Variants in GNG2 observed in about 807,000 individuals in gnomAD.
GNG2 encodes G protein subunit gamma 2.
In GNG2, 5 loss-of-function variants were observed where a neutral mutation model predicts 5.5. The ratio of observed to expected loss-of-function variants is 0.91; its 90% CI spans 0.48 to 1.92. GNG2 has a LOEUF of 1.92. Among genes scored for constraint, GNG2 ranks in the 30% most tolerant of loss-of-function variants. The probability of loss-of-function intolerance (pLI) is 0.01; values close to 1 mark genes in which losing one functional copy is unlikely to be tolerated. For synonymous variants in GNG2, 28 were observed against 32.0 expected, an observed-to-expected ratio of 0.88 and a Z score of 0.42; for missense variants, 55 against 88.4, an observed-to-expected ratio of 0.62 and a Z score of 1.52.
At chr14:51,866,492 A>G (rs1441822558) in intron 1 of GNG2, among the ~76,000 whole-genome samples, 1 of 151,978 alleles carries the variant, frequency 6.6e-6, no homozygotes, top group Non-Finnish European at 1.5e-5. Flanking sequence ...GAATTTCCCC[A>G]CGTCTTCCTT....
intron 2 of GNG2, chr14:51,916,436 T>C (rs1365282315): frequency 2.2e-6 from 1 of 453,442 alleles, no homozygotes; most frequent in South Asian, 1.6e-5. Context: ...ACTAAGTTAT[T>C]TCATATTTCG....
At position 51,912,158 on chromosome 14, in the gene GNG2, G is replaced by A. The variant is rs1453760792; in HGVS notation, c.-30+34501G>A. On this transcript the variant is annotated intron_variant, in intron 2 of 3. Transcript: ENST00000556766. ...ACTCAAACTTGGGCAGTGTGGCCCA[G>A]AGCCCAAGCTCTTGACCACTTTGCT... Among the ~76,000 whole-genome samples, 2 of 126,452 alleles carry A rather than the reference G, an allele frequency of 1.6e-5. 1 individual carries two copies. Among genetic ancestry groups the A allele is most frequent in the East Asian group, 6.6e-4 (2 of 3,030 alleles). The allele number at this position is 126,452 out of a possible 152,430, so 83.0% of individuals were successfully genotyped here.
intron 3 of GNG2, among the ~76,000 whole-genome samples, chr14:51,966,294 T>A (rs1889915445): frequency 6.7e-6 from 1 of 148,252 alleles, no homozygotes; most frequent in South Asian, 2.1e-4. Context: ...GACACCTGCA[T>A]GCCCCTGCCA....
chr14:51,848,804 C>T (rs1881763736), intron 2 of GNG2, among the ~76,000 whole-genome samples: 2 of 152,036 alleles, frequency 1.3e-5, no homozygotes, highest in African/African-American at 4.8e-5. Flanking sequence ...TGTGGGGCTG[C>T]CCAGAAGAAG....
At chr14:51,920,068 T>C (rs544919786) in intron 2 of GNG2, among the ~76,000 whole-genome samples, 1 of 152,196 alleles carries the variant, frequency 6.6e-6, no homozygotes, top group African/African-American at 2.4e-5. Flanking sequence ...AATGATATTG[T>C]AGAGCTGGCC....
chr14:51,932,187 CAGTGAGCCA>C (rs1162625029), intron 2 of GNG2, among the ~76,000 whole-genome samples: 2 of 128,840 alleles, frequency 1.6e-5, no homozygotes, highest in East Asian at 4.8e-4. Flanking sequence ...GTGGAGCTTG[CAGTGAGCCA>C]AGATCACACC....
intron 2 of GNG2, among the ~76,000 whole-genome samples, chr14:51,886,986 C>T (rs1329060166): frequency 1.3e-5 from 2 of 152,148 alleles, no homozygotes; most frequent in African/African-American, 2.4e-5. Flanking sequence ...TTCCAAAAAG[C>T]GTAGATAACT....
chr14:51,847,875 C>CTTTTTTTTTTTTTTTTTT (rs1555348001), intron 2 of GNG2, among the ~76,000 whole-genome samples: 1 of 66,148 alleles, frequency 1.5e-5, no homozygotes, highest in Non-Finnish European at 3.2e-5. Flanking sequence ...AATACAGGTC[C>CTTTTTTTTTTTTTTTTTT]TTTTTCTTTT....
At chr14:51,898,760 C>A (rs1566673026) in intron 2 of GNG2, among the ~76,000 whole-genome samples, 1 of 152,200 alleles carries the variant, frequency 6.6e-6, no homozygotes, top group East Asian at 1.9e-4. Flanking sequence ...AGCTTCCCGG[C>A]CAACTGCTCC....
chr14:51,912,764 T>C (rs1886368783), intron 2 of GNG2, among the ~76,000 whole-genome samples: 1 of 151,734 alleles, frequency 6.6e-6, no homozygotes, highest in Admixed American at 6.6e-5. Context: ...GTGAACAACA[T>C]TGTGTGGGCA....
chr14:51,860,217 A>AC (rs1347410017), upstream of GNG2, among the ~76,000 whole-genome samples: 1 of 138,000 alleles, frequency 7.2e-6, no homozygotes, highest in African/African-American at 2.9e-5. Flanking sequence ...GGGGATGTTG[A>AC]CCCAAAAAAA....
rs1368620517 is a variant in GNG2, at chr14:51,958,440, C to T, written c.87+7675C>T. On this transcript the variant is annotated intron_variant, in intron 3 of 3. Transcript: ENST00000556766. Reference sequence around the variant, plus strand: ...TCAGTCTGTCTCTCTCTCTTCCGTTCCCCCCCCCCATTTATATTTCTTTCT... The same window carrying T: ...TCAGTCTGTCTCTCTCTCTTCCGTTTCCCCCCCCCATTTATATTTCTTTCT... Among the ~76,000 whole-genome samples, 3 of 7,384 alleles carry T rather than the reference C, an allele frequency of 4.1e-4. No homozygotes were observed. The Non-Finnish European group carries it at 6.8e-3, about 17-fold the overall frequency. 4.8% of individuals were successfully genotyped at this position (7,384 alleles called of 152,430 possible). A position where few individuals can be genotyped will look rare whatever the true frequency, so the allele number is the denominator to read the frequency against.
At chr14:51,960,955 C>A (rs1331377873) in intron 3 of GNG2, among the ~76,000 whole-genome samples, 9 of 152,120 alleles carry the variant, frequency 5.9e-5, no homozygotes, top group African/African-American at 2.2e-4. Flanking sequence ...AAGATGAATC[C>A]TCCAGAGGCC....
intron 2 of GNG2, among the ~76,000 whole-genome samples, chr14:51,932,809 T>C (rs969370533): frequency 1.3e-5 from 2 of 151,744 alleles, no homozygotes; most frequent in Admixed American, 6.6e-5. Context: ...AATCCATAAA[T>C]GTTAATTATA....
At chr14:51,880,967 G>GAAAAAAAAAAAAAAAAAAAAAAA (rs11463019) in intron 2 of GNG2, among the ~76,000 whole-genome samples, 7 of 101,948 alleles carry the variant, frequency 6.9e-5, no homozygotes, top group Admixed American at 2.3e-4. Flanking sequence ...CAAAAAAAAA[G>GAAAAAAAAAAAAAAAAAAAAAAA]AAAAAAAAAA....
intron 2 of GNG2, among the ~76,000 whole-genome samples, chr14:51,850,603 A>G (rs1881861125): frequency 6.6e-6 from 1 of 152,244 alleles, no homozygotes; most frequent in Non-Finnish European, 1.5e-5. Context: ...TTGCATTGCT[A>G]TAAAGAAATA....
rs1337506516 is a variant in GNG2, at chr14:51,968,976, T to C, written c.*2289T>C. ...AAATGTTTTGGCTTTTTCATAATTTTATGTCTTACAGTATGGAATTATAAT... is the reference window on the plus strand; with the variant it reads ...AAATGTTTTGGCTTTTTCATAATTTCATGTCTTACAGTATGGAATTATAAT... On this transcript the variant is annotated 3_prime_UTR_variant, in exon 4 of 4. Transcript: ENST00000556766. 1 of 152,228 alleles carries C rather than the reference T, an allele frequency of 6.6e-6. No homozygotes were observed. Among genetic ancestry groups the C allele is most frequent in the Non-Finnish European group, 1.5e-5 (1 of 68,032 alleles). 9.4% of individuals were successfully genotyped at this position (152,228 alleles called of 1,614,324 possible).
intron 2 of GNG2, chr14:51,827,889 A>T: frequency 1.6e-6 from 1 of 614,010 alleles, no homozygotes; most frequent in South Asian, 1.9e-5. Flanking sequence ...AATGGTGGAA[A>T]GAGTAAAGAG....
intron 2 of GNG2, among the ~76,000 whole-genome samples, chr14:51,853,372 C>A (rs534160541): frequency 6.6e-6 from 1 of 152,272 alleles, no homozygotes; most frequent in Non-Finnish European, 1.5e-5. Context: ...ATAGTTCCCT[C>A]CACTGCTATG....
Sources: allele counts gnomAD v4.1 joint callset (sites outside exome capture counted in the v4.1 genomes callset), GRCh38; gene constraint gnomAD v4.1.1; transcripts MANE v1.5; gene names NCBI Gene and HGNC (gene_info 2026-07-23, HGNC 2026-07-21).